Variants in ANK1 observed in about 807,000 individuals in gnomAD.
ANK1 encodes ankyrin 1.
ANK1 carries 51 observed loss-of-function variants against 210.4 expected under a neutral mutation model. That is an observed-to-expected ratio of 0.24 (90% CI 0.19 to 0.31). ANK1 has a LOEUF of 0.31. Among genes scored for constraint, ANK1 ranks in the 10% least tolerant of loss-of-function variants. The pLI, the probability that ANK1 is intolerant of heterozygous loss-of-function variation, is 1.00. For synonymous variants in ANK1, 967 were observed against 1,025.9 expected, an observed-to-expected ratio of 0.94 and a Z score of 1.10; for missense variants, 2,051 against 2,504.4, an observed-to-expected ratio of 0.82 and a Z score of 3.86.
chr8:41,835,162 A>T (rs1807413829), intron 1 of ANK1, among the ~76,000 whole-genome samples: 1 of 152,232 alleles, frequency 6.6e-6, no homozygotes, highest in African/African-American at 2.4e-5. Context: ...AGCAGAAGTT[A>T]GCAGGTGTAA....
At chr8:41,896,523 C>G in exon 1 of ANK1, 1 of 1,555,684 alleles carries the variant, frequency 6.4e-7, no homozygotes, top group East Asian at 2.5e-5. Flanking sequence ...GGACCCCTAG[C>G]GCTCAGCGAT....
At chr8:41,824,545 T>G (rs1285305096) in intron 1 of ANK1, among the ~76,000 whole-genome samples, 1 of 152,108 alleles carries the variant, frequency 6.6e-6, no homozygotes, top group Non-Finnish European at 1.5e-5. Flanking sequence ...CACAGAAAAG[T>G]CACTGTTCTG....
At chr8:41,704,000 G>A in intron 20 of ANK1, 41 bp downstream of exon 20, 1 of 1,560,664 alleles carries the variant, frequency 6.4e-7, no homozygotes, top group Non-Finnish European at 8.8e-7. Flanking sequence ...CTGCTGCCAT[G>A]GGGAGCAGTT....
At chr8:41,803,084 GGAAGGAAAGGAAAGGA>G (rs1478815205) in intron 1 of ANK1, among the ~76,000 whole-genome samples, 1,108 of 62,638 alleles carry the variant, frequency 0.018, 10 homozygotes, top group Non-Finnish European at 0.026. Flanking sequence ...AGGAAGGAAG[GGAAGGAAAGGAAAGGA>G]AAGGAAAGGA....
At position 41,724,563 on chromosome 8, in the gene ANK1, C is replaced by A. The variant is rs757020209; in HGVS notation, c.613-9G>T. 1 of 1,579,060 alleles carries A rather than the reference C, an allele frequency of 6.3e-7. No individual in the cohort carries two copies. Among genetic ancestry groups the A allele is most frequent in the East Asian group, 2.3e-5 (1 of 43,434 alleles). On this transcript the variant is annotated splice_polypyrimidine_tract_variant and intron_variant, in intron 6 of 42. Coordinates refer to ENST00000289734, the MANE Select transcript of ANK1 (RefSeq NM_000037.4). The stretch of plus-strand genomic sequence containing the variant: ...AGGGGCGTGAATCCCGTCTGGGGCA[C>A]AACAGAGGGGGAGAAACTTGTTATA...
intron 1 of ANK1, among the ~76,000 whole-genome samples, chr8:41,794,903 A>G (rs1165324815): frequency 6.6e-6 from 1 of 151,862 alleles, no homozygotes; most frequent in African/African-American, 2.4e-5. Context: ...GCGGGGTTTC[A>G]CCATATTGGC....
intron 1 of ANK1, among the ~76,000 whole-genome samples, chr8:41,862,318 G>C (rs972113494): frequency 2.6e-5 from 4 of 152,148 alleles, no homozygotes; most frequent in Non-Finnish European, 5.9e-5. Context: ...GGAAAGCTAT[G>C]CCTCAAGGCT....
intron 15 of ANK1, 38 bp downstream of exon 15, chr8:41,714,938 A>G (rs376099810): frequency 6.3e-7 from 1 of 1,598,840 alleles, no homozygotes; most frequent in Admixed American, 1.7e-5. Flanking sequence ...CTTGCCTCTA[A>G]CCTGAGAGCT....
chr8:41,765,999 C>T (rs1841706623), intron 1 of ANK1, among the ~76,000 whole-genome samples: 1 of 152,130 alleles, frequency 6.6e-6, no homozygotes, highest in African/African-American at 2.4e-5. Flanking sequence ...TGACTGACCT[C>T]AAGATTTTTA....
rs1479600144 is a variant in ANK1 at position 41,751,288 on chromosome 8, A to G, written c.129+6748T>C. Reference sequence around the variant, plus strand: ...CAAATGCCAGAGTATCTACCATAGGACACATCCTATGCCAGGCGCTGTGGA... The same window carrying G: ...CAAATGCCAGAGTATCTACCATAGGGCACATCCTATGCCAGGCGCTGTGGA... On this transcript the variant is annotated intron_variant, in intron 2 of 42. Coordinates refer to ENST00000289734, the MANE Select transcript of ANK1 (RefSeq NM_000037.4). 2.0e-5 allele frequency among the ~76,000 whole-genome samples: 3 copies of G among 152,286 alleles called. No homozygotes were observed. The East Asian group carries it at 5.8e-4, about 29-fold the overall frequency.
chr8:41,655,419 C>A lies in ANK1; in HGVS notation c.*371G>T. The A allele has an allele frequency of 2.9e-6, 1 of 340,792 alleles. No homozygotes were observed. The highest frequency in any genetic ancestry group is 5.3e-6 in the Non-Finnish European group (1 of 187,788). The allele number at this position is 340,792 out of a possible 1,614,324, so 21.1% of individuals were successfully genotyped here. On this transcript the variant is annotated 3_prime_UTR_variant, in exon 43 of 43. Transcript: ENST00000289734. ...TAAAAAAAAAACCCCAAAACCAAAA[C>A]CCATCCCCAGCCACAAAAAGCCCTC... is the stretch of plus-strand genomic sequence containing the variant.
chr8:41,834,702 C>A (rs1349437131), intron 1 of ANK1, among the ~76,000 whole-genome samples: 2 of 152,220 alleles, frequency 1.3e-5, no homozygotes, highest in Non-Finnish European at 2.9e-5. Flanking sequence ...AGGAATATAG[C>A]CCAGTCTTAG....
chr8:41,727,485 C>A, intron 4 of ANK1, 137 bp from the exon 5 acceptor site: 1 of 735,774 alleles, frequency 1.4e-6, no homozygotes, highest in South Asian at 1.5e-5. Flanking sequence ...TAAGGAAACT[C>A]ATTGTCATGG....
chr8:41,661,875 C>T lies in ANK1; in HGVS notation c.5544+1G>A. On this transcript the variant is annotated splice_donor_variant, in intron 41 of 42. Transcript: ENST00000289734. LOFTEE classifies it high-confidence loss of function. The stretch of plus-strand genomic sequence containing the variant: ...TCCTCCAGGGGCCCCTCTACAGTCA[C>T]CTCCTCGTGCTCCTGGGCGGCATCG... The T allele has an allele frequency of 1.2e-6, 2 of 1,614,106 alleles. No homozygotes were observed. Among genetic ancestry groups the T allele is most frequent in the African/African-American group, 1.3e-5 (1 of 75,042 alleles).
chr8:41,685,951 G>A (rs1487411759), intron 36 of ANK1, among the ~76,000 whole-genome samples: 1 of 152,212 alleles, frequency 6.6e-6, no homozygotes, highest in African/African-American at 2.4e-5. Context: ...TGTGAGAAAG[G>A]CTGAGGCCAA....
intron 16 of ANK1, among the ~76,000 whole-genome samples, chr8:41,709,992 A>C (rs1825703401): frequency 6.6e-6 from 1 of 152,246 alleles, no homozygotes; most frequent in African/African-American, 2.4e-5. Flanking sequence ...CTGGTTTGCA[A>C]GACATTATAA....
intron 1 of ANK1, among the ~76,000 whole-genome samples, chr8:41,764,885 A>G (rs1211962221): frequency 6.6e-6 from 1 of 152,232 alleles, no homozygotes; most frequent in Admixed American, 6.5e-5. Flanking sequence ...TCCTCAGAAT[A>G]ATCTCACAAG....
intron 38 of ANK1, among the ~76,000 whole-genome samples, chr8:41,669,725 C>T (rs558075093): frequency 6.6e-6 from 1 of 152,294 alleles, no homozygotes; most frequent in African/African-American, 2.4e-5. Context: ...CCTGCACCCG[C>T]CCACCTCTCA....
intron 2 of ANK1, among the ~76,000 whole-genome samples, chr8:41,749,147 C>CTT (rs777886446): frequency 2.0e-5 from 3 of 152,294 alleles, no homozygotes; most frequent in African/African-American, 7.2e-5. Flanking sequence ...CAAGCTGGAC[C>CTT]TTTTACCTGC....
Sources: gnomAD v4.1 joint callset for allele counts (sites outside exome capture counted in the v4.1 genomes callset) on GRCh38, gnomAD v4.1.1 for gene constraint, MANE v1.5 for transcripts, NCBI Gene and HGNC (gene_info 2026-07-23, HGNC 2026-07-21) for gene names.